Variants in PRORP observed in about 807,000 individuals in gnomAD.
PRORP encodes protein only RNase P catalytic subunit.
Under a neutral mutation model 59.4 loss-of-function variants are expected in PRORP, and 51 were observed. That is an observed-to-expected ratio of 0.86 (90% CI 0.69 to 1.08). PRORP has a LOEUF of 1.08. PRORP is among the 50% of genes least tolerant of loss of function. The pLI, the probability that PRORP is intolerant of heterozygous loss-of-function variation, is 0.00. For missense variants in PRORP, 646 were observed against 690.3 expected (o/e 0.94, Z 0.72); for synonymous variants, 231 against 245.6 (o/e 0.94, Z 0.55).
At chr14:35,157,079 C>G (rs934780243) in intron 4 of PRORP, among the ~76,000 whole-genome samples, 3 of 151,622 alleles carry the variant, frequency 2.0e-5, no homozygotes, top group Non-Finnish European at 2.9e-5. Flanking sequence ...CCTCAGCCTA[C>G]CAAATAGCTG....
chr14:35,170,479 C>T, intron 4 of PRORP, among the ~76,000 whole-genome samples: 1 of 152,002 alleles, frequency 6.6e-6, no homozygotes, highest in Non-Finnish European at 1.5e-5. Flanking sequence ...AATCTGAATC[C>T]TTAACTTAAT....
At chr14:35,162,943 A>G (rs1203863057) in intron 4 of PRORP, among the ~76,000 whole-genome samples, 1 of 152,170 alleles carries the variant, frequency 6.6e-6, no homozygotes, top group East Asian at 1.9e-4. Flanking sequence ...CAAATTCTTC[A>G]TATAAATATT....
At chr14:35,225,145 G>A (rs11156876) in intron 5 of PRORP, among the ~76,000 whole-genome samples, 123,822 of 152,040 alleles carry the variant, frequency 0.81, 50,445 homozygotes, top group Admixed American at 0.85. Context: ...GTTTCAAGAG[G>A]AACTTTATTA....
At chr14:35,248,634 T>C (rs1401202955) in intron 5 of PRORP, among the ~76,000 whole-genome samples, 2 of 152,226 alleles carry the variant, frequency 1.3e-5, no homozygotes, top group Admixed American at 6.5e-5. Context: ...AATGAAAATA[T>C]GACAAGAATA....
At chr14:35,258,509 A>G (rs1240800170) in intron 5 of PRORP, among the ~76,000 whole-genome samples, 1 of 152,192 alleles carries the variant, frequency 6.6e-6, no homozygotes, top group East Asian at 1.9e-4. Context: ...GAAGAGAGAA[A>G]AAAAAGAATT....
intron 5 of PRORP, among the ~76,000 whole-genome samples, chr14:35,225,002 C>T (rs569896401): frequency 3.8e-4 from 58 of 152,164 alleles, no homozygotes; most frequent in African/African-American, 1.4e-3. Flanking sequence ...TAGTTCTGAC[C>T]TGCTAATTAT....
chr14:35,223,498 C>T (rs770563735), intron 5 of PRORP, among the ~76,000 whole-genome samples: 8 of 145,744 alleles, frequency 5.5e-5, no homozygotes, highest in Non-Finnish European at 1.2e-4. Context: ...CTCACTCTCT[C>T]GCCCAGGCTG....
chr14:35,131,892 T>G (rs1380718788), intron 4 of PRORP, among the ~76,000 whole-genome samples: 1 of 151,550 alleles, frequency 6.6e-6, no homozygotes, highest in Non-Finnish European at 1.5e-5. Context: ...TAGGCTGGAG[T>G]GCAGTGGTGC....
At chr14:35,157,009 G>A (rs1345833243) in intron 4 of PRORP, among the ~76,000 whole-genome samples, 1 of 142,606 alleles carries the variant, frequency 7.0e-6, no homozygotes, top group Non-Finnish European at 1.5e-5. Context: ...AGGCGGGAGT[G>A]CAGTGGCTCC....
chr14:35,230,050 CT>C (rs35309046), intron 5 of PRORP, among the ~76,000 whole-genome samples: 42,190 of 108,924 alleles, frequency 0.39, 5,769 homozygotes, highest in East Asian at 0.61. Flanking sequence ...ACTGTAAATT[CT>C]TTTTTTTTTT....
rs537156740 is a variant in PRORP, at chr14:35,177,695, C to G, written c.1168-2975C>G. Among the ~76,000 whole-genome samples the G allele has an allele frequency of 2.0e-5, 3 of 152,210 alleles. No individual in the cohort carries two copies. The East Asian group carries it at 5.8e-4, about 29-fold the overall frequency. On this transcript the variant is annotated intron_variant, in intron 4 of 7. Coordinates refer to ENST00000534898, the MANE Select transcript of PRORP (RefSeq NM_014672.4). ...TTTGTTGATCTTTTCAAAAAACCAG[C>G]TCCTAGATTCATTGATTTTTTTGAA...
At chr14:35,207,684 A>G (rs1214791597) in intron 5 of PRORP, among the ~76,000 whole-genome samples, 1 of 152,214 alleles carries the variant, frequency 6.6e-6, no homozygotes. Flanking sequence ...TTTCTTGGGT[A>G]TCTGTCTATC....
intron 5 of PRORP, among the ~76,000 whole-genome samples, chr14:35,216,803 G>A (rs1177875896): frequency 6.6e-6 from 1 of 152,146 alleles, no homozygotes; most frequent in Non-Finnish European, 1.5e-5. Flanking sequence ...ATCCTTGCTA[G>A]CACTTGTTGT....
chr14:35,135,885 G>C (rs940442215), intron 4 of PRORP, among the ~76,000 whole-genome samples: 5 of 151,668 alleles, frequency 3.3e-5, no homozygotes, highest in African/African-American at 9.7e-5. Context: ...TGGAACCTGG[G>C]AGGCGGAGGT....
At chr14:35,222,218 T>A (rs1285303776) in intron 5 of PRORP, 1 of 152,088 alleles carries the variant, frequency 6.6e-6, no homozygotes, top group Non-Finnish European at 1.5e-5. Flanking sequence ...ACCAGAGGCA[T>A]CCATAAAGAA....
intron 4 of PRORP, among the ~76,000 whole-genome samples, chr14:35,131,035 C>T (rs1411253394): frequency 6.6e-6 from 1 of 152,042 alleles, no homozygotes; most frequent in Non-Finnish European, 1.5e-5. Context: ...CCTCCGCCTC[C>T]TGGGTTCAAG....
intron 4 of PRORP, among the ~76,000 whole-genome samples, chr14:35,175,662 A>G (rs141467921): frequency 6.6e-6 from 1 of 150,904 alleles, no homozygotes; most frequent in Non-Finnish European, 1.5e-5. Context: ...ATGAGTAGAT[A>G]GCAAAAATTT....
chr14:35,150,433 AC>A (rs2047717014), intron 4 of PRORP, among the ~76,000 whole-genome samples: 2 of 152,326 alleles, frequency 1.3e-5, no homozygotes, highest in Non-Finnish European at 2.9e-5. Flanking sequence ...TAAAACAATT[AC>A]CATTCAGGTA....
chr14:35,262,783 G>C lies in PRORP; in HGVS notation c.1276-3944G>C. On this transcript the variant is annotated intron_variant, in intron 5 of 7. Coordinates refer to ENST00000534898, the MANE Select transcript of PRORP (RefSeq NM_014672.4). ...ATCAATGTCGTTATCCAGGAGAATG[G>C]GTCTCTTGTTGAAATCTGAAATTTC... 6.5e-6 allele frequency: 8 copies of C among 1,233,888 alleles called. No individual in the cohort carries two copies. The South Asian group carries it at 9.6e-5, about 15-fold the overall frequency. 76.4% of individuals were successfully genotyped at this position (1,233,888 alleles called of 1,614,324 possible).
Sources: allele counts gnomAD v4.1 joint callset (sites outside exome capture counted in the v4.1 genomes callset), GRCh38; gene constraint gnomAD v4.1.1; transcripts MANE v1.5; gene names NCBI Gene and HGNC (gene_info 2026-07-23, HGNC 2026-07-21).